BRWD3: variants seen among roughly 807,000 people sequenced by gnomAD.
BRWD3 encodes the protein bromodomain and WD repeat domain containing 3.
BRWD3 carries 10 observed loss-of-function variants against 149.7 expected under a neutral mutation model. The ratio of observed to expected loss-of-function variants is 0.07; its 90% confidence interval spans 0.04 to 0.11. The LOEUF is 0.11. Among genes scored for constraint, BRWD3 ranks in the 10% least tolerant of loss-of-function variants. BRWD3 has a pLI of 1.00. For missense variants in BRWD3, 940 were observed against 1,373.2 expected (o/e 0.68, Z 4.99); for synonymous variants, 504 against 456.7 (o/e 1.10, Z -1.32).
At chrX:80,693,955 T>C (rs777082698) in intron 27 of BRWD3, among the ~76,000 whole-genome samples, 2 of 111,645 alleles carry the variant, frequency 1.8e-5, no homozygotes, top group African/African-American at 6.5e-5. Flanking sequence ...CAAATGTTAG[T>C]CACCAAGAAA....
At chrX:80,740,483 G>T (rs995859982) in intron 8 of BRWD3, among the ~76,000 whole-genome samples, 4 of 112,401 alleles carry the variant, frequency 3.6e-5, no homozygotes. Context: ...TGGCTCACGT[G>T]CCTGTAATCC....
Position 80,671,514 on chromosome X carries a change from T to C in BRWD3, c.*5095A>G, listed in dbSNP as rs1289217203. 8.9e-6 allele frequency: 1 copy of C among 111,903 alleles called. No homozygotes were observed. The highest frequency in any genetic ancestry group is 3.2e-5 in the African/African-American group (1 of 30,842). The allele number at this position is 111,903 out of a possible 1,213,427, so 9.2% of individuals were successfully genotyped here. On this transcript the variant is annotated 3_prime_UTR_variant, in exon 41 of 41. Coordinates refer to ENST00000373275, the MANE Select transcript of BRWD3 (RefSeq NM_153252.5). The stretch of plus-strand genomic sequence containing the variant: ...TTCTGGTTAATTTTTCTCTGGTACA[T>C]AAATTAAGGCATAAAGCAGCAAGAG...
chrX:80,725,098 G>A (rs1459968775), intron 14 of BRWD3, 31 bp from the exon 15 acceptor site: 1 of 1,195,327 alleles, frequency 8.4e-7, no homozygotes, highest in African/African-American at 1.8e-5. Context: ...AACAATGAAA[G>A]CAACACGAAA....
In BRWD3 at chrX:80,807,411, A is replaced by G. The variant is rs1257136489; in HGVS notation, c.180+1128T>C. 2.7e-5 allele frequency among the ~76,000 whole-genome samples: 3 copies of G among 112,310 alleles called. No individual in the cohort carries two copies. In the Admixed American group the frequency reaches 2.8e-4, roughly 11 times the overall value. On this transcript the variant is annotated intron_variant, in intron 4 of 40. Coordinates refer to ENST00000373275, the MANE Select transcript of BRWD3 (RefSeq NM_153252.5). ...AAATAACAAAATGAACATTGAAGCA[A>G]TTTAAATATAGTCTTATTGCAAGCA...
At chrX:80,774,259 T>G (rs1214094200) in intron 6 of BRWD3, among the ~76,000 whole-genome samples, 2 of 110,549 alleles carry the variant, frequency 1.8e-5, no homozygotes, top group African/African-American at 6.6e-5. Context: ...TTTTATTTTT[T>G]TATTTTTTTA....
rs201940083 is a variant in BRWD3, at chrX:80,777,398, A to AT, written c.430+14455dup. ...TATACAAATTAGTGGTATTATTATTATTTTTTCTTTTTGAGACAGGGTCTC... is the reference window on the plus strand; with the variant it reads ...TATACAAATTAGTGGTATTATTATTATTTTTTTCTTTTTGAGACAGGGTCTC... On this transcript the variant is annotated intron_variant, in intron 6 of 40. Coordinates refer to ENST00000373275, the MANE Select transcript of BRWD3 (RefSeq NM_153252.5). 9.2e-3 allele frequency among the ~76,000 whole-genome samples: 1,016 copies of AT among 110,524 alleles called. 11 individuals carry two copies. The highest frequency in any genetic ancestry group is 0.032 in the African/African-American group (967 of 30,360).
intron 11 of BRWD3, 91 bp downstream of exon 11, chrX:80,734,025 GTA>G (rs1356717891): frequency 1.5e-6 from 1 of 657,319 alleles, no homozygotes; most frequent in East Asian, 3.3e-5. Context: ...TTTGTGATTT[GTA>G]TATGTTACTA....
At chrX:80,716,021 G>T in intron 20 of BRWD3, 136 bp downstream of exon 20, 1 of 457,039 alleles carries the variant, frequency 2.2e-6, no homozygotes. Context: ...TCAATTTGTG[G>T]CTCAAAAAGT....
chrX:80,759,240 A>G (rs2073777465), intron 6 of BRWD3, among the ~76,000 whole-genome samples: 1 of 112,201 alleles, frequency 8.9e-6, no homozygotes, highest in Non-Finnish European at 1.9e-5. Context: ...AAGTGCACAA[A>G]CACCTGTTGA....
chrX:80,682,517 T>C lies in BRWD3; in HGVS notation c.4345A>G (p.Arg1449Gly), dbSNP rs762860736. 6 of 1,209,193 alleles carry C rather than the reference T, an allele frequency of 5.0e-6. No homozygotes were observed. The African/African-American group carries it at 8.7e-5, about 18-fold the overall frequency. The change falls in exon 38 of 41, where the codon AGA becomes GGA. Residue 1449 changes from arginine to glycine, a missense_variant. This residue lies in a region of BRWD3 where 349 missense variants were observed against 419.6 expected (regional missense o/e 0.83). Transcript: ENST00000373275. ...CTGCTGCTGCTTCTTAGACGTTTTC[T>C]GTACCGTGGCCTTCTCCTCTTCTGA... ...QSQKRRRPRY[R>G]KRLRSSSSSL...
rs748569503 is a variant in BRWD3, at chrX:80,677,075, G to A, written c.4943C>T (p.Thr1648Ile). 3 of 1,209,507 alleles carry A rather than the reference G, an allele frequency of 2.5e-6. No individual in the cohort carries two copies. The South Asian group carries it at 5.3e-5, about 21-fold the overall frequency. The change falls in exon 41 of 41, where the codon ACC becomes ATC. Residue 1648 changes from threonine (T) to isoleucine (I), a missense_variant. Thr to Ile is a moderately conservative substitution (Grantham distance 89). Transcript: ENST00000373275. Reference protein sequence around the residue: ...GDHDYSKFIQTRPKRKLRKQH... With the variant: ...GDHDYSKFIQIRPKRKLRKQH... ...CTTTCTGAGTTTTCTTTTAGGTCTG[G>A]TTTGTATGAATTTGCTATAATCATG...
At chrX:80,748,276 G>A (rs185429233) in intron 6 of BRWD3, among the ~76,000 whole-genome samples, 22 of 112,387 alleles carry the variant, frequency 2.0e-4, no homozygotes, top group Non-Finnish European at 3.2e-4. Context: ...GCCTCCCAAA[G>A]TGCTGGGATT....
intron 31 of BRWD3, 94 bp from the exon 32 acceptor site, chrX:80,690,186 AGT>A: frequency 1.1e-6 from 1 of 927,969 alleles, no homozygotes. Flanking sequence ...ACTTAAACAC[AGT>A]GTGTCAAAGG....
chrX:80,709,057 A>T (rs2072917448), intron 21 of BRWD3, among the ~76,000 whole-genome samples: 1 of 111,736 alleles, frequency 8.9e-6, no homozygotes. Context: ...ATAACAAAAC[A>T]TGTGTACATT....
chrX:80,720,860 C>A (rs768633763), intron 17 of BRWD3, among the ~76,000 whole-genome samples: 21 of 111,859 alleles, frequency 1.9e-4, no homozygotes, highest in African/African-American at 6.8e-4. Context: ...TCTAGATATG[C>A]TTAGATATAC....
intron 27 of BRWD3, 40 bp downstream of exon 27, chrX:80,695,868 C>T: frequency 2.8e-6 from 3 of 1,082,941 alleles, no homozygotes; most frequent in Non-Finnish European, 3.8e-6. Flanking sequence ...ACTTACTGTA[C>T]ATAAGCTTAA....
intron 24 of BRWD3, among the ~76,000 whole-genome samples, chrX:80,701,376 C>T (rs1395490871): frequency 9.4e-6 from 1 of 106,859 alleles, no homozygotes; most frequent in African/African-American, 3.4e-5. Flanking sequence ...GGTGAAACCC[C>T]GTCTCTACTA....
chrX:80,687,138 T>TAAACTAAGAAACTAAAATAGC, intron 34 of BRWD3, 135 bp from the exon 35 acceptor site: 1 of 470,999 alleles, frequency 2.1e-6, no homozygotes, highest in Non-Finnish European at 3.2e-6. Flanking sequence ...GCTGCTATTT[T>TAAACTAAGAAACTAAAATAGC]AGTTTCTTAG....
chrX:80,720,657 T>C (rs976408378), intron 17 of BRWD3, among the ~76,000 whole-genome samples: 1 of 111,826 alleles, frequency 8.9e-6, no homozygotes, highest in Non-Finnish European at 1.9e-5. Flanking sequence ...ATACATTTAG[T>C]GTAGCCTAAG....
Sources: gnomAD v4.1 joint callset for allele counts (sites outside exome capture counted in the v4.1 genomes callset) on GRCh38, gnomAD v4.1.1 for gene constraint, gnomAD v4.1.1 regional missense constraint, MANE v1.5 for transcripts, NCBI Gene and HGNC (gene_info 2026-07-23, HGNC 2026-07-21) for gene names.